The following WIPF2 variants were observed in gnomAD, a reference collection of about 807,000 sequenced individuals.
WIPF2 encodes the protein WAS/WASL interacting protein family member 2, also known as WAS/WASL-interacting protein family member 2.
WIPF2 carries 23 observed loss-of-function variants against 38.8 expected under a neutral mutation model. The observed-to-expected ratio is 0.59, with a 90% confidence interval of 0.43 to 0.84. WIPF2 has a LOEUF of 0.84. Among genes scored for constraint, WIPF2 ranks in the 40% least tolerant of loss-of-function variants. The pLI, the probability that WIPF2 is intolerant of heterozygous loss-of-function variation, is 0.00. For missense variants in WIPF2, 574 were observed against 580.5 expected, an observed-to-expected ratio of 0.99 and a Z score of 0.11; for synonymous variants, 210 against 223.2, an observed-to-expected ratio of 0.94 and a Z score of 0.53.
intron 1 of WIPF2, among the ~76,000 whole-genome samples, chr17:40,222,243 A>G (rs2030265414): frequency 1.3e-5 from 2 of 151,534 alleles, no homozygotes; most frequent in African/African-American, 4.8e-5. Flanking sequence ...TAGTAGAGAC[A>G]GGGTTTCACC....
intron 1 of WIPF2, among the ~76,000 whole-genome samples, chr17:40,252,895 C>T (rs1415267771): frequency 6.6e-6 from 1 of 151,566 alleles, no homozygotes; most frequent in Non-Finnish European, 1.5e-5. Flanking sequence ...TCCCTAGTAG[C>T]TGGGATTGTA....
chr17:40,268,590 A>G (rs1250709307), intron 5 of WIPF2, among the ~76,000 whole-genome samples: 4 of 152,030 alleles, frequency 2.6e-5, no homozygotes, highest in African/African-American at 9.7e-5. Context: ...TGTCTGGCTC[A>G]TTAAAATTTT....
chr17:40,239,047 T>TTTAC (rs72094285), intron 1 of WIPF2, among the ~76,000 whole-genome samples: 26 of 52,718 alleles, frequency 4.9e-4, no homozygotes, highest in Non-Finnish European at 8.1e-4. Context: ...TTTATTTTAT[T>TTTAC]TTATTTATTT....
chr17:40,282,450 CGTGCGCACGCGTGTGCGTGTGT>C lies in WIPF2; in HGVS notation c.*4229_*4250del, dbSNP rs1169888876. ...ATAAATGACTAGAATGACACGTGTGCGTGCGCACGCGTGTGCGTGTGTGTGTTCATCTGTCTGCATGTGGATC... is the reference window on the plus strand; with the variant it reads ...ATAAATGACTAGAATGACACGTGTGCGTGTTCATCTGTCTGCATGTGGATC... On this transcript the variant is annotated 3_prime_UTR_variant, in exon 8 of 8. Transcript: ENST00000323571. The C allele has an allele frequency of 1.3e-5, 2 of 151,790 alleles. No homozygotes were observed. The highest frequency in any genetic ancestry group is 2.4e-5 in the African/African-American group (1 of 41,036). 9.4% of individuals were successfully genotyped at this position (151,790 alleles called of 1,614,324 possible). A position where few individuals can be genotyped will look rare whatever the true frequency, so the allele number is the denominator to read the frequency against.
intron 1 of WIPF2, among the ~76,000 whole-genome samples, chr17:40,232,179 ATTTTTTTTTTTT>A (rs752876006): frequency 7.9e-5 from 6 of 76,052 alleles, no homozygotes; most frequent in Non-Finnish European, 1.2e-4. Flanking sequence ...TGCCTGGCTA[ATTTTTTTTTTTT>A]TTTTTTTTTT....
chr17:40,222,804 G>A (rs1416132019), intron 1 of WIPF2, among the ~76,000 whole-genome samples: 2 of 148,624 alleles, frequency 1.3e-5, no homozygotes, highest in Non-Finnish European at 3.0e-5. Context: ...CCAAGTAACT[G>A]GTACTATAGG....
In WIPF2 at chr17:40,219,319, G is replaced by A; in HGVS notation, c.-243G>A. 1 of 308,338 alleles carries A rather than the reference G, an allele frequency of 3.2e-6. No individual in the cohort carries two copies. The highest frequency in any genetic ancestry group is 6.2e-6 in the Non-Finnish European group (1 of 160,742). 19.1% of individuals were successfully genotyped at this position (308,338 alleles called of 1,614,324 possible). On this transcript the variant is annotated 5_prime_UTR_variant, in exon 1 of 8. Transcript: ENST00000323571. ...CCCCGCCTCCATTTTGTTCGCGGAC[G>A]CTGGGGACGGTGGGAGCAGATCCAT... is the stretch of plus-strand genomic sequence containing the variant.
At chr17:40,259,544 T>C (rs185035232) in intron 2 of WIPF2, among the ~76,000 whole-genome samples, 1 of 152,304 alleles carries the variant, frequency 6.6e-6, no homozygotes, top group East Asian at 1.9e-4. Flanking sequence ...TTATTAATGA[T>C]GTGACGTTAA....
intron 4 of WIPF2, among the ~76,000 whole-genome samples, chr17:40,262,865 A>G (rs2031956132): frequency 6.6e-6 from 1 of 152,238 alleles, no homozygotes; most frequent in Non-Finnish European, 1.5e-5. Context: ...AATACTATTC[A>G]GCCTTAGGCA....
intron 1 of WIPF2, among the ~76,000 whole-genome samples, chr17:40,251,191 G>A (rs1248531245): frequency 6.6e-6 from 1 of 152,134 alleles, no homozygotes; most frequent in East Asian, 1.9e-4. Context: ...TGGGATTACA[G>A]GCGTGAGCCA....
At chr17:40,228,547 C>T (rs2030598534) in intron 1 of WIPF2, among the ~76,000 whole-genome samples, 1 of 151,868 alleles carries the variant, frequency 6.6e-6, no homozygotes. Flanking sequence ...ATTTATTCAA[C>T]AAGAATTTTT....
intron 1 of WIPF2, among the ~76,000 whole-genome samples, chr17:40,234,241 C>G (rs747314210): frequency 6.6e-5 from 10 of 151,974 alleles, no homozygotes; most frequent in Non-Finnish European, 1.0e-4. Context: ...GTGGCAAGTG[C>G]CTGTAGTCCC....
chr17:40,248,281 C>A lies in WIPF2; in HGVS notation c.-69-8110C>A, dbSNP rs186166270. Among the ~76,000 whole-genome samples, 569 of 144,192 alleles carry A rather than the reference C, an allele frequency of 3.9e-3. 2 individuals are homozygous for A. Among genetic ancestry groups the A allele is most frequent in the African/African-American group, 0.014 (548 of 38,990 alleles). The allele number at this position is 144,192 out of a possible 152,430, so 94.6% of individuals were successfully genotyped here. A position where few individuals can be genotyped will look rare whatever the true frequency, so the allele number is the denominator to read the frequency against. On this transcript the variant is annotated intron_variant, in intron 1 of 7. Coordinates refer to ENST00000323571, the MANE Select transcript of WIPF2 (RefSeq NM_133264.5). ...CCAGGTTCAAGTGATTCTCGCACTT[C>A]AGCCTCCCAAATAGCTGGGATTATA...
chr17:40,229,577 C>T (rs536023277), intron 1 of WIPF2, among the ~76,000 whole-genome samples: 2 of 152,152 alleles, frequency 1.3e-5, no homozygotes, highest in South Asian at 2.1e-4. Context: ...ACCACCATGT[C>T]TGGCTAATTT....
chr17:40,264,326 CAAAAAAAAAAAAAA>C (rs772320240), intron 4 of WIPF2, among the ~76,000 whole-genome samples, 150 bp from the exon 5 acceptor site: 311 of 23,978 alleles, frequency 0.013, 8 homozygotes, highest in African/African-American at 0.038. Flanking sequence ...AACTTCGTCT[CAAAAAAAAAAAAAA>C]AAAAAAAAAA....
Position 40,265,079 on chromosome 17 carries a change from G to A in WIPF2, c.903G>A (p.Ser301=), listed in dbSNP as rs765807954. ...GCCTAGCACCTCCTCCACCCACCTC[G>A]GCCTCCCCATCTTTACTGAGTAATA... ...VRGLAPPPPT[S]ASPSLLSNRP... The change falls in exon 5 of 8, where the codon TCG becomes TCA. Residue 301 remains serine, a synonymous_variant. Transcript: ENST00000323571. 8 of 1,613,494 alleles carry A rather than the reference G, an allele frequency of 5.0e-6. No individual in the cohort carries two copies. The highest frequency in any genetic ancestry group is 4.5e-5 in the East Asian group (2 of 44,874).
intron 1 of WIPF2, among the ~76,000 whole-genome samples, chr17:40,234,056 T>G (rs555117089): frequency 1.3e-5 from 2 of 148,258 alleles, no homozygotes; most frequent in African/African-American, 2.5e-5. Flanking sequence ...AGAAGAAAAC[T>G]CCATCTCAAA....
rs71355445 is a variant in WIPF2, at chr17:40,282,111, C to CAAAAAA, written c.*3904_*3909dup. The stretch of plus-strand genomic sequence containing the variant: ...CTACAACCACCATCAAAACCACACG[C>CAAAAAA]AAAAAAAAAAAAAAAAAAAAAAAGG... On this transcript the variant is annotated 3_prime_UTR_variant, in exon 8 of 8. Transcript: ENST00000323571. 1 of 51,134 alleles carries CAAAAAA rather than the reference C, an allele frequency of 2.0e-5. No homozygotes were observed. The highest frequency in any genetic ancestry group is 7.2e-5 in the African/African-American group (1 of 13,794). 3.2% of individuals were successfully genotyped at this position (51,134 alleles called of 1,614,324 possible). A position where few individuals can be genotyped will look rare whatever the true frequency, so the allele number is the denominator to read the frequency against.
At chr17:40,262,762 G>C (rs1942741396) in intron 4 of WIPF2, 121 bp downstream of exon 4, 1 of 763,004 alleles carries the variant, frequency 1.3e-6, no homozygotes. Context: ...TGGGAGTAGG[G>C]GAGGAGTTAT....
Sources: gnomAD v4.1 joint callset for allele counts (sites outside exome capture counted in the v4.1 genomes callset) on GRCh38, gnomAD v4.1.1 for gene constraint, MANE v1.5 for transcripts, NCBI Gene and HGNC (gene_info 2026-07-23, HGNC 2026-07-21) for gene names.